Variants in ZNF804B observed in about 807,000 individuals in gnomAD.
ZNF804B encodes zinc finger protein 804B, also known as zinc finger 804B.
ZNF804B carries 80 observed loss-of-function variants against 101.4 expected under a neutral mutation model. That is an observed-to-expected ratio of 0.79 (90% confidence interval 0.66 to 0.95). The LOEUF (loss-of-function observed/expected upper bound fraction) is 0.95, where lower values mean the gene tolerates loss of function less well. Ranked by LOEUF, ZNF804B falls within the 40% of genes least tolerant of loss-of-function variation. ZNF804B has a pLI of 0.00. For missense variants in ZNF804B, 1,673 were observed against 1,561.9 expected, an observed-to-expected ratio of 1.07 and a Z score of -1.20; for synonymous variants, 622 against 558.8, an observed-to-expected ratio of 1.11 and a Z score of -1.59.
intron 1 of ZNF804B, among the ~76,000 whole-genome samples, chr7:88,965,566 A>G (rs1316447853): frequency 1.3e-5 from 2 of 151,456 alleles, no homozygotes; most frequent in Non-Finnish European, 3.0e-5. Flanking sequence ...TGAGCTATAA[A>G]GAGATGAGAA....
At chr7:88,794,450 G>A in intron 1 of ZNF804B, 1 of 1,613,940 alleles carries the variant, frequency 6.2e-7, no homozygotes, top group Non-Finnish European at 8.5e-7. Flanking sequence ...TTTAGGGACT[G>A]TGACTGTGTC....
chr7:89,113,700 C>G lies in ZNF804B; in HGVS notation c.109-104455C>G, dbSNP rs185872478. Among the ~76,000 whole-genome samples the G allele has an allele frequency of 7.4e-3, 1,125 of 152,178 alleles. 6 individuals are homozygous for G. Among genetic ancestry groups the G allele is most frequent in the Non-Finnish European group, 0.013 (913 of 67,992 alleles). ...AGGCGCTGTGGCTCATACCTGTAAT[C>G]CCAGCACTTTGGGAGGCCAAGGCGG... On this transcript the variant is annotated intron_variant, in intron 1 of 3. Transcript: ENST00000333190.
chr7:89,267,216 G>A (rs1241033096), intron 2 of ZNF804B, among the ~76,000 whole-genome samples: 1 of 151,698 alleles, frequency 6.6e-6, no homozygotes, highest in African/African-American at 2.4e-5. Flanking sequence ...TCTTTCCAAG[G>A]CTATATTTCC....
chr7:89,331,680 C>T (rs2115992689), intron 3 of ZNF804B, among the ~76,000 whole-genome samples: 1 of 151,446 alleles, frequency 6.6e-6, no homozygotes, highest in East Asian at 1.9e-4. Flanking sequence ...TCCATATGGT[C>T]ATAATTTGTA....
chr7:88,794,947 A>T, intron 1 of ZNF804B: 2 of 1,545,162 alleles, frequency 1.3e-6, no homozygotes, highest in South Asian at 1.3e-5. Context: ...GGACATGAGG[A>T]GTCTTATTTA....
At chr7:88,886,265 A>G (rs1389389778) in intron 1 of ZNF804B, among the ~76,000 whole-genome samples, 6 of 151,940 alleles carry the variant, frequency 3.9e-5, no homozygotes, top group Non-Finnish European at 8.8e-5. Flanking sequence ...CTCTGCATGG[A>G]TGTATATTTG....
intron 1 of ZNF804B, among the ~76,000 whole-genome samples, chr7:88,980,099 G>T (rs753687624): frequency 1.1e-3 from 166 of 151,608 alleles, no homozygotes; most frequent in Middle Eastern, 3.4e-3. Context: ...AAGTTTTAGG[G>T]TACATGTGCA....
At chr7:88,929,424 T>A (rs1360280978) in intron 1 of ZNF804B, among the ~76,000 whole-genome samples, 1 of 151,820 alleles carries the variant, frequency 6.6e-6, no homozygotes, top group Non-Finnish European at 1.5e-5. Context: ...ATTAATAGAG[T>A]TTTGAGTTAA....
At chr7:88,863,662 A>T (rs1791683241) in intron 1 of ZNF804B, among the ~76,000 whole-genome samples, 1 of 152,202 alleles carries the variant, frequency 6.6e-6, no homozygotes, top group Non-Finnish European at 1.5e-5. Context: ...GAGAGGGACA[A>T]GTGGGTTATT....
At chr7:88,962,226 C>T (rs1054003118) in intron 1 of ZNF804B, among the ~76,000 whole-genome samples, 6 of 151,196 alleles carry the variant, frequency 4.0e-5, no homozygotes, top group Non-Finnish European at 7.4e-5. Context: ...TTGTATAGAA[C>T]GCTGTTTATA....
At chr7:89,293,292 T>A (rs1452142097) in intron 2 of ZNF804B, among the ~76,000 whole-genome samples, 1 of 152,182 alleles carries the variant, frequency 6.6e-6, no homozygotes, top group Non-Finnish European at 1.5e-5. Context: ...GATGAGTATT[T>A]GAGGTGATGG....
chr7:89,215,223 G>A (rs79844645), intron 1 of ZNF804B, among the ~76,000 whole-genome samples: 47 of 152,116 alleles, frequency 3.1e-4, no homozygotes, highest in Non-Finnish European at 6.2e-4. Flanking sequence ...TTAGTCTAAC[G>A]ACCTTGTAAA....
At chr7:89,309,429 A>G (rs1267837589) in intron 2 of ZNF804B, among the ~76,000 whole-genome samples, 2 of 152,040 alleles carry the variant, frequency 1.3e-5, no homozygotes, top group African/African-American at 2.4e-5. Flanking sequence ...CAGTTCAGTG[A>G]CTTAAACTAT....
intron 1 of ZNF804B, among the ~76,000 whole-genome samples, chr7:88,867,869 A>G (rs1022252669): frequency 1.3e-5 from 2 of 152,192 alleles, no homozygotes; most frequent in Admixed American, 1.3e-4. Flanking sequence ...GAAATTGAGT[A>G]ACTTGTACCA....
At chr7:89,229,536 A>C (rs1451433510) in intron 2 of ZNF804B, among the ~76,000 whole-genome samples, 1 of 152,244 alleles carries the variant, frequency 6.6e-6, no homozygotes, top group Non-Finnish European at 1.5e-5. Flanking sequence ...TATGTATTCA[A>C]CTCACAACAG....
At chr7:88,967,444 A>G (rs995794963) in intron 1 of ZNF804B, among the ~76,000 whole-genome samples, 2 of 151,582 alleles carry the variant, frequency 1.3e-5, no homozygotes, top group African/African-American at 4.8e-5. Context: ...AACACTGGGA[A>G]TTACACTTCG....
At chr7:89,085,762 C>G (rs1789789808) in intron 1 of ZNF804B, among the ~76,000 whole-genome samples, 1 of 151,916 alleles carries the variant, frequency 6.6e-6, no homozygotes, top group Admixed American at 6.6e-5. Context: ...ATGGATTTTA[C>G]TTGTCACTTT....
chr7:89,164,875 C>A (rs1242921161), intron 1 of ZNF804B, among the ~76,000 whole-genome samples: 2 of 151,966 alleles, frequency 1.3e-5, no homozygotes, highest in Non-Finnish European at 1.5e-5. Context: ...AATAATAGCA[C>A]AAATGTATTT....
At chr7:89,286,082 C>A (rs931129252) in intron 2 of ZNF804B, among the ~76,000 whole-genome samples, 1 of 152,154 alleles carries the variant, frequency 6.6e-6, no homozygotes, top group African/African-American at 2.4e-5. Flanking sequence ...TTCTAAAGTT[C>A]TTTTGATGTT....
Sources: gnomAD v4.1 joint callset for allele counts (sites outside exome capture counted in the v4.1 genomes callset) on GRCh38, gnomAD v4.1.1 for gene constraint, MANE v1.5 for transcripts, NCBI Gene and HGNC (gene_info 2026-07-23, HGNC 2026-07-21) for gene names.